ADAM9: variants seen among roughly 807,000 people sequenced by gnomAD.
ADAM9 encodes the protein disintegrin and metalloproteinase domain-containing protein 9.
ADAM9 carries 54 observed loss-of-function variants against 108.1 expected under a neutral mutation model. The ratio of observed to expected loss-of-function variants is 0.50; its 90% CI spans 0.40 to 0.63. The LOEUF (loss-of-function observed/expected upper bound fraction) is 0.63, where lower values mean the gene tolerates loss of function less well. ADAM9 is among the 20% of genes least tolerant of loss of function. The probability of loss-of-function intolerance (pLI) is 0.00; values close to 1 mark genes in which losing one functional copy is unlikely to be tolerated. For synonymous variants in ADAM9, 316 were observed against 336.0 expected, an observed-to-expected ratio of 0.94 and a Z score of 0.65; for missense variants, 830 against 997.7, an observed-to-expected ratio of 0.83 and a Z score of 2.26.
At chr8:39,041,821 C>G (rs1837463033) in intron 11 of ADAM9, 125 bp from the exon 12 acceptor site, 1 of 815,406 alleles carries the variant, frequency 1.2e-6, no homozygotes, top group Admixed American at 2.4e-5. Context: ...TCATTTCTGT[C>G]CACTTTTATT....
At chr8:39,010,092 A>G (rs1302678439) in intron 2 of ADAM9, among the ~76,000 whole-genome samples, 1 of 151,660 alleles carries the variant, frequency 6.6e-6, no homozygotes, top group Non-Finnish European at 1.5e-5. Flanking sequence ...TGCATTTTTC[A>G]GTAGGATGGC....
intron 7 of ADAM9, among the ~76,000 whole-genome samples, chr8:39,019,895 A>G (rs1836677342): frequency 6.6e-6 from 1 of 152,278 alleles, no homozygotes; most frequent in Non-Finnish European, 1.5e-5. Context: ...AAGGAAAAGC[A>G]CATGGAATAT....
chr8:39,071,067 A>C lies in ADAM9; in HGVS notation c.1592-231A>C, dbSNP rs114003748. Among the ~76,000 whole-genome samples the C allele has an allele frequency of 8.2e-3, 1,243 of 152,280 alleles. 18 individuals carry two copies. Among genetic ancestry groups the C allele is most frequent in the African/African-American group, 0.029 (1,188 of 41,536 alleles). On this transcript the variant is annotated intron_variant, in intron 14 of 21. Coordinates refer to ENST00000487273, the MANE Select transcript of ADAM9 (RefSeq NM_003816.3). Reference sequence around the variant, plus strand: ...GTGTTTCTTTTAGGGCTTGAGTTTGAATTCAGGCTAACTTTTAAGTACAAC... The same window carrying C: ...GTGTTTCTTTTAGGGCTTGAGTTTGCATTCAGGCTAACTTTTAAGTACAAC...
At chr8:39,045,728 C>A (rs539508528) in intron 12 of ADAM9, among the ~76,000 whole-genome samples, 1 of 152,096 alleles carries the variant, frequency 6.6e-6, no homozygotes, top group East Asian at 1.9e-4. Flanking sequence ...TGGGTAGATA[C>A]CCAGTAGTGG....
chr8:39,017,425 A>T lies in ADAM9; in HGVS notation c.606+11A>T, dbSNP rs1231397011. 6.2e-7 allele frequency: 1 copy of T among 1,611,978 alleles called. No individual in the cohort carries two copies. Among genetic ancestry groups the T allele is most frequent in the Non-Finnish European group, 8.5e-7 (1 of 1,178,516 alleles). On this transcript the variant is annotated intron_variant, in intron 6 of 21. Transcript: ENST00000487273. ...ACTCAGCTACTTCGAGTAAGGAAAT[A>T]ACATAATTCTTCATGGCTCAGACTA... is the stretch of plus-strand genomic sequence containing the variant.
chr8:39,008,620 G>C (rs951491480), intron 2 of ADAM9, among the ~76,000 whole-genome samples: 2 of 152,080 alleles, frequency 1.3e-5, no homozygotes, highest in African/African-American at 4.8e-5. Flanking sequence ...ATTATAATAA[G>C]AATTATAATT....
At chr8:39,055,171 T>G (rs1230017098) in intron 13 of ADAM9, among the ~76,000 whole-genome samples, 1 of 152,178 alleles carries the variant, frequency 6.6e-6, no homozygotes, top group South Asian at 2.1e-4. Flanking sequence ...AAATCACTGG[T>G]GCAGAATATT....
At chr8:39,041,906 A>G (rs1284310280) in intron 11 of ADAM9, 40 bp from the exon 12 acceptor site, 1 of 1,574,220 alleles carries the variant, frequency 6.4e-7, no homozygotes, top group Non-Finnish European at 8.7e-7. Flanking sequence ...AAAGTGAGTA[A>G]TCACTGTGAC....
chr8:39,024,378 A>G (rs1227755645), intron 9 of ADAM9, among the ~76,000 whole-genome samples: 1 of 152,174 alleles, frequency 6.6e-6, no homozygotes, highest in African/African-American at 2.4e-5. Context: ...CACACCCACC[A>G]AACTATCTTA....
intron 13 of ADAM9, 28 bp downstream of exon 13, chr8:39,054,601 G>GC: frequency 5.2e-5 from 39 of 752,258 alleles, no homozygotes; most frequent in East Asian, 2.1e-4. Flanking sequence ...TTTGGAAACA[G>GC]GAAAAAAAAA....
chr8:39,016,077 A>G (rs758223144), intron 4 of ADAM9, 41 bp from the exon 5 acceptor site: 18 of 1,556,656 alleles, frequency 1.2e-5, no homozygotes, highest in Middle Eastern at 1.8e-4. Flanking sequence ...ATTTTCAGCA[A>G]TGTAGCAATA....
chr8:39,046,940 T>C (rs933749454), intron 12 of ADAM9, among the ~76,000 whole-genome samples: 1 of 152,074 alleles, frequency 6.6e-6, no homozygotes, highest in Non-Finnish European at 1.5e-5. Context: ...CACACATTTT[T>C]GTATGTTTTG....
At chr8:39,060,559 AG>A (rs1838268524) in intron 14 of ADAM9, among the ~76,000 whole-genome samples, 1 of 152,212 alleles carries the variant, frequency 6.6e-6, no homozygotes, top group Admixed American at 6.5e-5. Context: ...CCCCTTAGAA[AG>A]GATATCTTGA....
At chr8:39,000,847 A>G (rs948955526) in intron 1 of ADAM9, among the ~76,000 whole-genome samples, 7 of 152,070 alleles carry the variant, frequency 4.6e-5, no homozygotes, top group Admixed American at 2.0e-4. Context: ...TTCTGTTTGT[A>G]TTTATTTATG....
intron 11 of ADAM9, among the ~76,000 whole-genome samples, chr8:39,040,645 A>G (rs1298049222): frequency 6.6e-6 from 1 of 152,172 alleles, no homozygotes. Context: ...TTTTCTCCCA[A>G]TCTGCAGACT....
intron 1 of ADAM9, among the ~76,000 whole-genome samples, chr8:39,003,331 T>TGG (rs2129431399): frequency 6.6e-6 from 1 of 152,186 alleles, no homozygotes; most frequent in East Asian, 1.9e-4. Context: ...ATCTAGTGGG[T>TGG]GGAGGCCAGG....
intron 18 of ADAM9, among the ~76,000 whole-genome samples, chr8:39,086,812 A>AC (rs1438259887): frequency 6.6e-6 from 1 of 152,132 alleles, no homozygotes; most frequent in African/African-American, 2.4e-5. Context: ...TTAAGGCAGG[A>AC]CCTGAATAGC....
In ADAM9 at chr8:39,090,116, CT is replaced by C; in HGVS notation, c.2139del (p.Ile714PhefsTer47). The C allele has an allele frequency of 6.2e-7, 1 of 1,613,706 alleles. No individual in the cohort carries two copies. The highest frequency in any genetic ancestry group is 8.5e-7 in the Non-Finnish European group (1 of 1,179,778). ...CTAATTGTTCCCCTTATTGTCTGTG[CT>C]ATTTTTATCTTCATCAAGAGGGATC... ...FFLIVPLIVC[A>X]IFIFIKRDQL... On this transcript the variant is annotated frameshift_variant, in exon 19 of 22. Transcript: ENST00000487273. LOFTEE classifies it high-confidence loss of function.
chr8:39,047,284 G>A (rs906440747), intron 12 of ADAM9, among the ~76,000 whole-genome samples: 4 of 152,188 alleles, frequency 2.6e-5, no homozygotes, highest in African/African-American at 9.6e-5. Flanking sequence ...TGGCCTTGGT[G>A]ATACAGTCTG....
Sources: gnomAD v4.1 joint callset for allele counts (sites outside exome capture counted in the v4.1 genomes callset) on GRCh38, gnomAD v4.1.1 for gene constraint, MANE v1.5 for transcripts, NCBI Gene and HGNC (gene_info 2026-07-23, HGNC 2026-07-21) for gene names.